The following ATP2B4 variants were observed in gnomAD, a reference collection of about 807,000 sequenced individuals.
The protein encoded by ATP2B4 is ATPase plasma membrane Ca2+ transporting 4.
A neutral mutation model predicts 110.3 loss-of-function variants in ATP2B4; 39 were observed. The observed-to-expected ratio is 0.35, with a 90% CI of 0.27 to 0.46. ATP2B4 has a LOEUF of 0.46. Ranked by LOEUF, ATP2B4 falls within the 20% of genes least tolerant of loss-of-function variation. The pLI, the probability that ATP2B4 is intolerant of heterozygous loss-of-function variation, is 1.00. For missense variants in ATP2B4, 1,135 were observed against 1,530.9 expected (o/e 0.74, Z 4.32); for synonymous variants, 538 against 571.7 (o/e 0.94, Z 0.84).
intron 20 of ATP2B4, among the ~76,000 whole-genome samples, chr1:203,737,887 C>T (rs1666911413): frequency 6.6e-6 from 1 of 152,128 alleles, no homozygotes; most frequent in Admixed American, 6.5e-5. Flanking sequence ...ACACATTCTC[C>T]TCCAGAGAAA....
chr1:203,721,409 G>T lies in ATP2B4; in HGVS notation c.2811G>T (p.Ala937=). The T allele has an allele frequency of 6.2e-7, 1 of 1,613,848 alleles. No homozygotes were observed. Among genetic ancestry groups the T allele is most frequent in the Admixed American group, 1.7e-5 (1 of 60,004 alleles). Residue 937 remains alanine, a splice_region_variant and synonymous_variant, in exon 17 of 21, where the codon GCG becomes GCT. Coordinates refer to ENST00000357681, the MANE Select transcript of ATP2B4 (RefSeq NM_001684.5). ...TTGTCATCTTTATCCTTGTCTTTGC[G>T]GGTGAGCCACTTTGGGGGTGGGTAG... The part of the protein sequence containing the change: ...QLIVIFILVF[A]GEKFFDIDSG...
rs370056718 is a variant in ATP2B4, at chr1:203,733,312, T to C, written c.3309+5741T>C. 3.1e-6 allele frequency: 5 copies of C among 1,614,044 alleles called. No homozygotes were observed. In the African/African-American group the frequency reaches 4.0e-5, roughly 13 times the overall value. On this transcript the variant is annotated intron_variant, in intron 20 of 20. Coordinates refer to ENST00000357681, the MANE Select transcript of ATP2B4 (RefSeq NM_001684.5). ...TGGGTCAACACCTTGATGTAAAACT[T>C]GTTCCTAGTTCATCCTATGTAGCAG...
chr1:203,735,488 C>T (rs1335969284), intron 20 of ATP2B4, among the ~76,000 whole-genome samples: 2 of 152,128 alleles, frequency 1.3e-5, no homozygotes, highest in Non-Finnish European at 2.9e-5. Context: ...TTCCCAACCT[C>T]ACCACCCCCC....
In ATP2B4 at chr1:203,720,699, G is replaced by A. The variant is rs1666294150; in HGVS notation, c.2557G>A (p.Val853Met). 1 of 1,613,868 alleles carries A rather than the reference G, an allele frequency of 6.2e-7. No individual in the cohort carries two copies. Among genetic ancestry groups the A allele is most frequent in the Non-Finnish European group, 8.5e-7 (1 of 1,179,878 alleles). Residue 853 changes from valine to methionine, a missense_variant, in exon 16 of 21, where the codon GTG becomes ATG. Val to Met is a conservative substitution (Grantham distance 21). This residue lies in a region of ATP2B4 where 70 missense variants were observed against 142.4 expected (regional missense o/e 0.49). Transcript: ENST00000357681. ...FLQFQLTVNV[V>M]AVIVAFTGAC... ...GCAGTTCCAGCTCACTGTCAATGTG[G>A]TGGCCGTGATTGTAGCCTTCACTGG...
At chr1:203,729,742 TG>T in intron 20 of ATP2B4, 1 of 1,351,418 alleles carries the variant, frequency 7.4e-7, no homozygotes, top group Non-Finnish European at 9.9e-7. Context: ...TCCGTGTTGC[TG>T]GCCTCACATC....
intron 2 of ATP2B4, among the ~76,000 whole-genome samples, chr1:203,694,753 A>G (rs1025254839): frequency 6.6e-6 from 1 of 152,192 alleles, no homozygotes; most frequent in African/African-American, 2.4e-5. Context: ...ATTCTGGCTA[A>G]TACATTGAGA....
In ATP2B4 at chr1:203,709,480, C is replaced by G; in HGVS notation, c.1737C>G (p.Ile579Met). 6.2e-7 allele frequency: 1 copy of G among 1,614,186 alleles called. No homozygotes were observed. The highest frequency in any genetic ancestry group is 8.5e-7 in the Non-Finnish European group (1 of 1,180,038). ...TGCGCAAGTCAATGAGCACCGTCAT[C>G]AGGAATCCCAACGGTGGCTTCCGTA... ...NSVRKSMSTV[I>M]RNPNGGFRMY... The change falls in exon 11 of 21, where the codon ATC becomes ATG. Residue 579 changes from isoleucine (I) to methionine (M), a missense_variant. Ile to Met is a conservative substitution (Grantham distance 10). Around this residue, in one of 9 missense-constraint regions of ATP2B4, gnomAD observed 368 missense variants for 455.9 expected, o/e 0.81. Coordinates refer to ENST00000357681, the MANE Select transcript of ATP2B4 (RefSeq NM_001684.5).
chr1:203,711,514 T>C (rs1206415521), intron 12 of ATP2B4, among the ~76,000 whole-genome samples: 4 of 152,116 alleles, frequency 2.6e-5, no homozygotes, highest in South Asian at 4.2e-4. Context: ...GGACTATTAA[T>C]TCTCAAGGCC....
intron 2 of ATP2B4, among the ~76,000 whole-genome samples, chr1:203,686,305 A>G (rs930414316): frequency 2.0e-5 from 3 of 152,144 alleles, no homozygotes; most frequent in Non-Finnish European, 4.4e-5. Context: ...TGTCTCACAA[A>G]CAGGAACTCG....
At chr1:203,727,720 C>G in intron 20 of ATP2B4, 149 bp downstream of exon 20, 3 of 943,532 alleles carry the variant, frequency 3.2e-6, no homozygotes, top group Non-Finnish European at 4.7e-6. Flanking sequence ...AGCTTCAGGA[C>G]AGACACGCAA....
intron 1 of ATP2B4, among the ~76,000 whole-genome samples, chr1:203,666,843 G>A (rs1664518882): frequency 6.6e-6 from 1 of 152,142 alleles, no homozygotes; most frequent in African/African-American, 2.4e-5. Flanking sequence ...TCTGTTTGTG[G>A]TCTTGGAAAC....
chr1:203,687,036 G>T (rs1289645269), intron 2 of ATP2B4, among the ~76,000 whole-genome samples: 2 of 129,328 alleles, frequency 1.5e-5, no homozygotes, highest in African/African-American at 2.9e-5. Flanking sequence ...ATGGGGTCTT[G>T]CTCTGTTGCC....
intron 1 of ATP2B4, among the ~76,000 whole-genome samples, chr1:203,638,930 G>C (rs936048257): frequency 1.3e-5 from 2 of 152,198 alleles, no homozygotes; most frequent in African/African-American, 4.8e-5. Context: ...TCACCGTGCA[G>C]CTCCTAACAG....
chr1:203,657,483 G>A, intron 1 of ATP2B4: 1 of 785,140 alleles, frequency 1.3e-6, no homozygotes. Context: ...CAGCAGATAA[G>A]CAGGTACTGC....
chr1:203,714,370 G>C, intron 15 of ATP2B4, 93 bp downstream of exon 15: 1 of 1,355,698 alleles, frequency 7.4e-7, no homozygotes, highest in East Asian at 2.3e-5. Flanking sequence ...TGCTACACCT[G>C]CATAGCCCAT....
At chr1:203,722,766 T>C in intron 18 of ATP2B4, 77 bp downstream of exon 18, 1 of 1,386,030 alleles carries the variant, frequency 7.2e-7, no homozygotes, top group Non-Finnish European at 1.0e-6. Flanking sequence ...GTTCCCTACA[T>C]ACCTAGGAAA....
chr1:203,708,599 G>A (rs1665916887), intron 10 of ATP2B4, among the ~76,000 whole-genome samples: 1 of 152,168 alleles, frequency 6.6e-6, no homozygotes, highest in African/African-American at 2.4e-5. Context: ...GCTCACTTCT[G>A]TAATCCCAGC....
chr1:203,727,937 A>G (rs1161954675), intron 20 of ATP2B4, among the ~76,000 whole-genome samples: 1 of 152,166 alleles, frequency 6.6e-6, no homozygotes, highest in Non-Finnish European at 1.5e-5. Context: ...TACCCTTCAG[A>G]AGGAAGGAGT....
intron 1 of ATP2B4, among the ~76,000 whole-genome samples, chr1:203,669,664 C>T (rs762143983): frequency 6.6e-6 from 1 of 152,082 alleles, no homozygotes; most frequent in African/African-American, 2.4e-5. Context: ...CTCGAACTCC[C>T]GACCTCAGGT....
Sources: gnomAD v4.1 joint callset for allele counts (sites outside exome capture counted in the v4.1 genomes callset) on GRCh38, gnomAD v4.1.1 for gene constraint, gnomAD v4.1.1 regional missense constraint, MANE v1.5 for transcripts, NCBI Gene and HGNC (gene_info 2026-07-23, HGNC 2026-07-21) for gene names.